The following POMC variants were observed in gnomAD, a reference collection of about 807,000 sequenced individuals.
POMC encodes the protein pro-opiomelanocortin.
In POMC, 19 loss-of-function variants were observed where a neutral mutation model predicts 18.5. That is an observed-to-expected ratio of 1.03 (90% CI 0.72 to 1.51). The LOEUF (loss-of-function observed/expected upper bound fraction) is 1.51, where lower values mean the gene tolerates loss of function less well. POMC is among the 40% of genes most tolerant of loss of function. The pLI, the probability that POMC is intolerant of heterozygous loss-of-function variation, is 0.00. For missense variants in POMC, 451 were observed against 379.0 expected (o/e 1.19, Z -1.58); for synonymous variants, 179 against 161.9 (o/e 1.11, Z -0.80).
Position 25,161,736 on chromosome 2 carries a change from C to T in POMC, c.149G>A (p.Cys50Tyr), listed in dbSNP as rs781250236. The T allele has an allele frequency of 1.3e-6, 2 of 1,594,250 alleles. No individual in the cohort carries two copies. Among genetic ancestry groups the T allele is most frequent in the South Asian group, 1.1e-5 (1 of 87,816 alleles). Reference sequence around the variant, plus strand: ...AGTCTCGGCCGAGAGGTCGGGCTTGCAGGCCCGGATGCACTCCTGGGGGAA... The same window carrying T: ...AGTCTCGGCCGAGAGGTCGGGCTTGTAGGCCCGGATGCACTCCTGGGGGAA... The part of the protein sequence containing the change: ...ESNLLECIRA[C>Y]KPDLSAETPM... The change falls in exon 3 of 3, where the codon TGC becomes TAC. Residue 50 changes from cysteine (C) to tyrosine (Y), a missense_variant. Transcript: ENST00000395826. The surrounding 1 kb of genome is among the most constrained non-coding windows in gnomAD (Gnocchi z 5.7).
chr2:25,168,071 T>G lies in POMC; in HGVS notation c.-21+427A>C, dbSNP rs1184158952. On this transcript the variant is annotated intron_variant, in intron 1 of 2. Coordinates refer to ENST00000395826, the MANE Select transcript of POMC (RefSeq NM_000939.4). This position sits in a 1 kb window ranked among gnomAD's most constrained non-coding sequence, Gnocchi z 5.2. ...CGGGAGGCTGAAGCAGGAGAATCGC[T>G]TGAACCCGGGAGGCGAAGGTTGCGG... Among the ~76,000 whole-genome samples the G allele has an allele frequency of 2.0e-5, 3 of 151,490 alleles. No homozygotes were observed. Among genetic ancestry groups the G allele is most frequent in the Non-Finnish European group, 4.4e-5 (3 of 67,954 alleles).
In POMC at chr2:25,161,236, CCTT is replaced by C. The variant is rs1314705916; in HGVS notation, c.646_648del (p.Lys216del). On this transcript the variant is annotated inframe_deletion, in exon 3 of 3. Transcript: ENST00000395826. The surrounding 1 kb of genome is among the most constrained non-coding windows in gnomAD (Gnocchi z 5.7). ...TGCTCCATCCTGTAGGGGCCCTCGTCCTTCTTCTCGGCCGCCACCAGCAGGCTG... is the reference window on the plus strand; with the variant it reads ...TGCTCCATCCTGTAGGGGCCCTCGTCCTTCTCGGCCGCCACCAGCAGGCTG... The C allele has an allele frequency of 7.4e-6, 12 of 1,612,880 alleles. No homozygotes were observed. Among genetic ancestry groups the C allele is most frequent in the African/African-American group, 1.3e-5 (1 of 75,048 alleles).
In POMC at chr2:25,161,587, C is replaced by CCGCTGCT. The variant is rs1553400131; in HGVS notation, c.297_298insAGCAGCG (p.Ala100SerfsTer21). The CCGCTGCT allele has an allele frequency of 3.9e-6, 6 of 1,557,930 alleles. No individual in the cohort carries two copies. The African/African-American group carries it at 8.2e-5, about 21-fold the overall frequency. ...GAGACGTCCTCGCGCTTCTGCCCTG[C>CCGCTGCT]GCCGCTGCTGCCGCTGCTGCTGCTG... On this transcript the variant is annotated frameshift_variant, in exon 3 of 3. Coordinates refer to ENST00000395826, the MANE Select transcript of POMC (RefSeq NM_000939.4). LOFTEE classifies it high-confidence loss of function. This position sits in a 1 kb window ranked among gnomAD's most constrained non-coding sequence, Gnocchi z 5.7.
chr2:25,163,764 C>T (rs1011920305), intron 2 of POMC, among the ~76,000 whole-genome samples: 3 of 152,184 alleles, frequency 2.0e-5, no homozygotes, highest in Non-Finnish European at 4.4e-5. Flanking sequence ...GCTAGGACTA[C>T]AGGCACATGC....
intron 1 of POMC, among the ~76,000 whole-genome samples, chr2:25,166,267 C>T (rs140478558): frequency 4.6e-5 from 7 of 152,344 alleles, no homozygotes; most frequent in South Asian, 2.1e-4. Flanking sequence ...AGGTGCGCTT[C>T]GGCTAAAGGG....
At chr2:25,165,596 G>T (rs1671528389) in intron 1 of POMC, 1 of 152,224 alleles carries the variant, frequency 6.6e-6, no homozygotes. Flanking sequence ...ATTTGAAGAG[G>T]ATGCAGATGT....
At position 25,161,694 on chromosome 2, in the gene POMC, T is replaced by C. The variant is rs1415221900; in HGVS notation, c.191A>G (p.Asn64Ser). ...CTCGGTCAGAGGCTGCTCGTCGCCA[T>C]TTCCCGGGAACATGGGAGTCTCGGC... ...LSAETPMFPGNGDEQPLTENP... is the reference protein window; with the variant it reads ...LSAETPMFPGSGDEQPLTENP... The change falls in exon 3 of 3, where the codon AAT becomes AGT. Residue 64 changes from asparagine to serine, a missense_variant. Transcript: ENST00000395826. The surrounding 1 kb of genome is among the most constrained non-coding windows in gnomAD (Gnocchi z 5.7). 6.3e-7 allele frequency: 1 copy of C among 1,584,438 alleles called. No homozygotes were observed. Among genetic ancestry groups the C allele is most frequent in the East Asian group, 2.3e-5 (1 of 42,882 alleles).
At chr2:25,165,986 C>T (rs1006393031) in intron 1 of POMC, among the ~76,000 whole-genome samples, 2 of 152,224 alleles carry the variant, frequency 1.3e-5, no homozygotes, top group African/African-American at 2.4e-5. Flanking sequence ...TCCTAATGAA[C>T]GCTGGCATTT....
At chr2:25,164,580 G>A in intron 2 of POMC, 61 bp downstream of exon 2, 1 of 1,611,462 alleles carries the variant, frequency 6.2e-7, no homozygotes, top group Non-Finnish European at 8.5e-7. Flanking sequence ...TTTCTTTTGA[G>A]CTTTCCCAGC....
rs779090267 is a variant in POMC at position 25,164,729 on chromosome 2, G to GGGGC, written c.43_44insGCCC (p.Ala15GlyfsTer105). 1 of 1,614,180 alleles carries GGGGC rather than the reference G, an allele frequency of 6.2e-7. No individual in the cohort carries two copies. Among genetic ancestry groups the GGGGC allele is most frequent in the Non-Finnish European group, 8.5e-7 (1 of 1,180,040 alleles). ...TTCCATGGAGGCCTGAAGCAGCAAG[G>GGGGC]CCAGCAACAGGGCCCCCGAGCGGCT... is the stretch of plus-strand genomic sequence containing the variant. On this transcript the variant is annotated frameshift_variant, in exon 2 of 3. Coordinates refer to ENST00000395826, the MANE Select transcript of POMC (RefSeq NM_000939.4). LOFTEE classifies it high-confidence loss of function.
chr2:25,166,168 G>GCCCCA (rs1671546516), intron 1 of POMC, among the ~76,000 whole-genome samples: 2 of 152,208 alleles, frequency 1.3e-5, no homozygotes, highest in Non-Finnish European at 2.9e-5. Flanking sequence ...CGCTGGGCCT[G>GCCCCA]CACGGTGCTA....
At position 25,161,090 on chromosome 2, in the gene POMC, C is replaced by T. The variant is rs777772852; in HGVS notation, c.795G>A (p.Lys265=). 45 of 1,613,830 alleles carry T rather than the reference C, an allele frequency of 2.8e-5. 1 individual carries two copies. Among genetic ancestry groups the T allele is most frequent in the Non-Finnish European group, 3.5e-5 (41 of 1,180,000 alleles). Residue 265 remains lysine (K), a synonymous_variant, in exon 3 of 3, where the codon AAG becomes AAA. Coordinates refer to ENST00000395826, the MANE Select transcript of POMC (RefSeq NM_000939.4). This position sits in a 1 kb window ranked among gnomAD's most constrained non-coding sequence, Gnocchi z 5.7. ...GGGCCCCGCTGTGCCCTCACTCGCCCTTCTTGTAGGCGTTCTTGATGATGG... is the reference window on the plus strand; with the variant it reads ...GGGCCCCGCTGTGCCCTCACTCGCCTTTCTTGTAGGCGTTCTTGATGATGG... ...KNAIIKNAYK[K]GE
rs1671618206 is a variant in POMC, at chr2:25,168,078, C to G, written c.-21+420G>C. Among the ~76,000 whole-genome samples the G allele has an allele frequency of 6.7e-6, 1 of 150,134 alleles. No homozygotes were observed. The highest frequency in any genetic ancestry group is 1.5e-5 in the Non-Finnish European group (1 of 67,724). On this transcript the variant is annotated intron_variant, in intron 1 of 2. Coordinates refer to ENST00000395826, the MANE Select transcript of POMC (RefSeq NM_000939.4). The surrounding 1 kb of genome is among the most constrained non-coding windows in gnomAD (Gnocchi z 5.2). Reference sequence around the variant, plus strand: ...CTGAAGCAGGAGAATCGCTTGAACCCGGGAGGCGAAGGTTGCGGTGAGCAG... The same window carrying G: ...CTGAAGCAGGAGAATCGCTTGAACCGGGGAGGCGAAGGTTGCGGTGAGCAG...
intron 1 of POMC, among the ~76,000 whole-genome samples, chr2:25,166,349 C>T (rs900161669): frequency 6.6e-6 from 1 of 152,178 alleles, no homozygotes; most frequent in Admixed American, 6.5e-5. Context: ...CCCATTGTAC[C>T]CTGCCAGTGA....
Position 25,161,602 on chromosome 2 carries a change from T to TGCTGCC in POMC, c.282_283insGGCAGC (p.Ser94_Ser95insGlySer). On this transcript the variant is annotated inframe_insertion, in exon 3 of 3. Coordinates refer to ENST00000395826, the MANE Select transcript of POMC (RefSeq NM_000939.4). The surrounding 1 kb of genome is among the most constrained non-coding windows in gnomAD (Gnocchi z 5.7). The stretch of plus-strand genomic sequence containing the variant: ...TTCTGCCCTGCGCCGCTGCTGCCGC[T>TGCTGCC]GCTGCTGCTGTTGCGGCGGCCGAAT... The TGCTGCC allele has an allele frequency of 6.4e-7, 1 of 1,555,448 alleles. No individual in the cohort carries two copies. Among genetic ancestry groups the TGCTGCC allele is most frequent in the African/African-American group, 1.4e-5 (1 of 73,250 alleles).
Position 25,164,665 on chromosome 2 carries a change from G to T in POMC, c.108C>A (p.Asp36Glu). 1 of 1,614,132 alleles carries T rather than the reference G, an allele frequency of 6.2e-7. No homozygotes were observed. The highest frequency in any genetic ancestry group is 8.5e-7 in the Non-Finnish European group (1 of 1,180,016). ...CCAGCAGGTTGCTTTCCGTGGTGAG[G>T]TCCTGACACTGGCTGCTCTCCAGGC... ...GWCLESSQCQ[D>E]LTTESNLLEC... is the part of the protein sequence containing the mutation. The change falls in exon 2 of 3, where the codon GAC becomes GAA. Residue 36 changes from aspartate (D) to glutamate (E), a missense_variant. Coordinates refer to ENST00000395826, the MANE Select transcript of POMC (RefSeq NM_000939.4).
At chr2:25,166,849 A>G (rs1248884025) in intron 1 of POMC, among the ~76,000 whole-genome samples, 1 of 152,202 alleles carries the variant, frequency 6.6e-6, no homozygotes, top group Non-Finnish European at 1.5e-5. Context: ...GTATTTGCTT[A>G]TGTGTATTTT....
rs775229698 is a variant in POMC, at chr2:25,164,744, C to T, written c.29G>A (p.Gly10Glu). 1.9e-6 allele frequency: 3 copies of T among 1,614,010 alleles called. No individual in the cohort carries two copies. The highest frequency in any genetic ancestry group is 1.3e-5 in the African/African-American group (1 of 74,940). MPRSCCSRS[G>E]ALLLALLLQA... ...AAGCAGCAAGGCCAGCAACAGGGCC[C>T]CCGAGCGGCTGCAGCACGATCTCGG... The change falls in exon 2 of 3, where the codon GGG becomes GAG. Residue 10 changes from glycine to glutamate, a missense_variant. By Grantham distance (98) the Gly-to-Glu change is moderately conservative. Transcript: ENST00000395826.
At chr2:25,164,111 C>T (rs1411880053) in intron 2 of POMC, among the ~76,000 whole-genome samples, 1 of 151,578 alleles carries the variant, frequency 6.6e-6, no homozygotes, top group Non-Finnish European at 1.5e-5. Context: ...AAGGCCAGTC[C>T]TCCAGAATAA....
Sources: gnomAD v4.1 joint callset for allele counts (sites outside exome capture counted in the v4.1 genomes callset) on GRCh38, gnomAD v4.1.1 for gene constraint, Gnocchi (gnomAD v3.1) non-coding constraint, MANE v1.5 for transcripts, NCBI Gene and HGNC (gene_info 2026-07-23, HGNC 2026-07-21) for gene names.